The following MAML3 variants were observed in gnomAD, a reference collection of about 807,000 sequenced individuals.
The protein encoded by MAML3 is mastermind like transcriptional coactivator 3.
A neutral mutation model predicts 101.9 loss-of-function variants in MAML3; 27 were observed. The ratio of observed to expected loss-of-function variants is 0.27; its 90% CI spans 0.20 to 0.37. The LOEUF (loss-of-function observed/expected upper bound fraction) is 0.37. MAML3 is among the 10% of genes least tolerant of loss of function. MAML3 has a pLI of 1.00. For synonymous variants in MAML3, 501 were observed against 555.9 expected (o/e 0.90, Z 1.39); for missense variants, 1,316 against 1,444.9 (o/e 0.91, Z 1.45).
chr4:139,978,156 C>G (rs928325976), intron 1 of MAML3, among the ~76,000 whole-genome samples: 1 of 152,042 alleles, frequency 6.6e-6, no homozygotes, highest in African/African-American at 2.4e-5. Context: ...CTCCTTGACT[C>G]GGAAGCAAAT....
At chr4:139,795,977 T>C (rs1344600006) in intron 2 of MAML3, among the ~76,000 whole-genome samples, 3 of 152,200 alleles carry the variant, frequency 2.0e-5, no homozygotes, top group African/African-American at 7.2e-5. Flanking sequence ...AGCACAGGTA[T>C]GTAATAATTG....
At chr4:140,027,620 G>A (rs1432731524) in intron 1 of MAML3, among the ~76,000 whole-genome samples, 1 of 152,152 alleles carries the variant, frequency 6.6e-6, no homozygotes, top group African/African-American at 2.4e-5. Flanking sequence ...TGAATGTGTT[G>A]TTTATATCCT....
At chr4:139,724,509 C>T (rs1728387257) in intron 4 of MAML3, among the ~76,000 whole-genome samples, 1 of 152,142 alleles carries the variant, frequency 6.6e-6, no homozygotes, top group South Asian at 2.1e-4. Context: ...TTCAGGGATA[C>T]TTGTGAAATT....
Position 139,889,626 on chromosome 4 carries a change from G to T in MAML3, c.1810C>A (p.Pro604Thr), listed in dbSNP as rs1478051332. ...HNILTYGNTK[P>T]LTHFNADLSQ... ...AGGTCTGCATTGAAGTGGGTCAGGG[G>T]TTTAGTGTTGCCATAAGTCAGAATA... The change falls in exon 2 of 5, where the codon CCC becomes ACC. Residue 604 changes from proline (P) to threonine (T), a missense_variant. Pro to Thr is a conservative substitution (Grantham distance 38). Transcript: ENST00000509479. 1.1e-5 allele frequency: 17 copies of T among 1,613,866 alleles called. No individual in the cohort carries two copies. Among genetic ancestry groups the T allele is most frequent in the African/African-American group, 5.3e-5 (4 of 74,902 alleles).
intron 2 of MAML3, among the ~76,000 whole-genome samples, chr4:139,854,628 A>C (rs985194261): frequency 1.1e-5 from 1 of 87,528 alleles, no homozygotes; most frequent in Non-Finnish European, 3.5e-5. Flanking sequence ...TGTCCCACTC[A>C]ATGCTGGTTT....
chr4:139,719,181 A>C lies in MAML3; in HGVS notation c.*142T>G. On this transcript the variant is annotated 3_prime_UTR_variant, in exon 5 of 5. Transcript: ENST00000509479. ...GGTGGGGCTGTGGATTGGCACCTGG[A>C]TCTTCCATTGTCAGCCAGCTGCAGT... 1 of 928,024 alleles carries C rather than the reference A, an allele frequency of 1.1e-6. No individual in the cohort carries two copies. Among genetic ancestry groups the C allele is most frequent in the Non-Finnish European group, 1.6e-6 (1 of 641,318 alleles). 57.5% of individuals were successfully genotyped at this position (928,024 alleles called of 1,614,324 possible).
intron 1 of MAML3, among the ~76,000 whole-genome samples, chr4:139,908,174 G>A (rs536307786): frequency 4.3e-4 from 66 of 152,264 alleles, no homozygotes; most frequent in African/African-American, 1.5e-3. Flanking sequence ...AATCTGTCTA[G>A]GTTTACTTGT....
intron 1 of MAML3, among the ~76,000 whole-genome samples, chr4:140,092,165 A>C (rs1728071438): frequency 6.7e-6 from 1 of 149,762 alleles, no homozygotes; most frequent in Non-Finnish European, 1.5e-5. Flanking sequence ...TCTGGAGGGA[A>C]AGATGGGAAC....
At chr4:139,771,108 AGT>A (rs1729970066) in intron 2 of MAML3, among the ~76,000 whole-genome samples, 1 of 152,204 alleles carries the variant, frequency 6.6e-6, no homozygotes, top group African/African-American at 2.4e-5. Flanking sequence ...CCATTCATGA[AGT>A]CTTTACCCAA....
chr4:139,933,865 A>G (rs560496328), intron 1 of MAML3, among the ~76,000 whole-genome samples: 1 of 152,258 alleles, frequency 6.6e-6, no homozygotes, highest in South Asian at 2.1e-4. Context: ...TCCCAAAGGA[A>G]GAGGGATGGG....
At chr4:140,024,231 T>A (rs1248258186) in intron 1 of MAML3, among the ~76,000 whole-genome samples, 1 of 151,838 alleles carries the variant, frequency 6.6e-6, no homozygotes, top group Non-Finnish European at 1.5e-5. Flanking sequence ...TGATTGATTT[T>A]TTTTTTTTTT....
At chr4:140,051,791 T>C (rs2110923587) in intron 1 of MAML3, among the ~76,000 whole-genome samples, 1 of 152,274 alleles carries the variant, frequency 6.6e-6, no homozygotes, top group South Asian at 2.1e-4. Flanking sequence ...ATTCTCATTT[T>C]CCCACTGAGA....
intron 1 of MAML3, among the ~76,000 whole-genome samples, chr4:139,912,910 C>G (rs965071796): frequency 2.0e-5 from 3 of 152,186 alleles, no homozygotes; most frequent in Non-Finnish European, 4.4e-5. Context: ...GCCACCTAGT[C>G]TGTGGTATTT....
intron 1 of MAML3, among the ~76,000 whole-genome samples, chr4:140,023,765 G>A (rs1726775565): frequency 6.6e-6 from 1 of 152,122 alleles, no homozygotes; most frequent in African/African-American, 2.4e-5. Context: ...ATTCTAAGAT[G>A]TTTTCACTTG....
At chr4:140,095,271 C>T (rs1443091257) in intron 1 of MAML3, among the ~76,000 whole-genome samples, 1 of 152,200 alleles carries the variant, frequency 6.6e-6, no homozygotes, top group Non-Finnish European at 1.5e-5. Context: ...TTTCACAGAG[C>T]AAATCAGTAG....
chr4:140,012,428 C>T (rs773114874), intron 1 of MAML3, among the ~76,000 whole-genome samples: 19 of 152,286 alleles, frequency 1.2e-4, no homozygotes, highest in Middle Eastern at 6.8e-3. Flanking sequence ...ATCAGTCGTC[C>T]AGTTCATCAG....
At chr4:139,829,923 A>T (rs1731131841) in intron 2 of MAML3, among the ~76,000 whole-genome samples, 2 of 152,248 alleles carry the variant, frequency 1.3e-5, no homozygotes, top group Admixed American at 1.3e-4. Flanking sequence ...CCTCTGTGAC[A>T]ATGGGTCAGA....
intron 2 of MAML3, among the ~76,000 whole-genome samples, chr4:139,871,638 T>C (rs1732008778): frequency 6.6e-6 from 1 of 152,220 alleles, no homozygotes; most frequent in Admixed American, 6.5e-5. Context: ...ACAAGCTGAA[T>C]CTCTCTAATG....
At chr4:140,120,446 G>T (rs1017208974) in intron 1 of MAML3, among the ~76,000 whole-genome samples, 1 of 152,142 alleles carries the variant, frequency 6.6e-6, no homozygotes, top group Non-Finnish European at 1.5e-5. Context: ...TTCTTGATAT[G>T]ATATCATTTC....
Sources: gnomAD v4.1 joint callset for allele counts (sites outside exome capture counted in the v4.1 genomes callset) on GRCh38, gnomAD v4.1.1 for gene constraint, MANE v1.5 for transcripts, NCBI Gene and HGNC (gene_info 2026-07-23, HGNC 2026-07-21) for gene names.